KCNN2: variants seen among roughly 807,000 people sequenced by gnomAD.
KCNN2 encodes the protein small conductance calcium-activated potassium channel protein 2.
In KCNN2, 24 loss-of-function variants were observed where a neutral mutation model predicts 55.5. The ratio of observed to expected loss-of-function variants is 0.43; its 90% CI spans 0.31 to 0.61. The LOEUF (loss-of-function observed/expected upper bound fraction) is 0.61. Ranked by LOEUF, KCNN2 falls within the 20% of genes least tolerant of loss-of-function variation. The pLI is 0.08. For synonymous variants in KCNN2, 431 were observed against 336.1 expected (o/e 1.28, Z -3.09); for missense variants, 754 against 853.6 (o/e 0.88, Z 1.45).
rs183919524 is a variant in KCNN2, at chr5:114,313,267, A to T, written c.-184-47678A>T. ...AGGGAATCTTCCCAAGGTCTTCAAGAATCCTCAGTTATTAACTTCAAGGAA... is the reference window on the plus strand; with the variant it reads ...AGGGAATCTTCCCAAGGTCTTCAAGTATCCTCAGTTATTAACTTCAAGGAA... On this transcript the variant is annotated intron_variant, in intron 2 of 10. Coordinates refer to the KCNN2 transcript ENST00000512097. Among the ~76,000 whole-genome samples the T allele has an allele frequency of 5.3e-5, 8 of 152,254 alleles. No homozygotes were observed. The East Asian group carries it at 1.5e-3, about 29-fold the overall frequency.
chr5:114,453,092 A>G (rs938360818), intron 3 of KCNN2, among the ~76,000 whole-genome samples: 10 of 152,198 alleles, frequency 6.6e-5, no homozygotes, highest in Non-Finnish European at 1.5e-4. Flanking sequence ...CTACAGCCAC[A>G]TGGGCTTTCT....
intron 3 of KCNN2, among the ~76,000 whole-genome samples, chr5:114,449,037 T>TA (rs1252296240): frequency 6.6e-6 from 1 of 152,174 alleles, no homozygotes; most frequent in African/African-American, 2.4e-5. Flanking sequence ...CTAGTGTTGG[T>TA]AGGAGAGGCA....
At chr5:114,427,940 T>C (rs1208392569) in intron 3 of KCNN2, among the ~76,000 whole-genome samples, 1 of 152,190 alleles carries the variant, frequency 6.6e-6, no homozygotes, top group Non-Finnish European at 1.5e-5. Context: ...TGCTTCTATT[T>C]CTTGTGAGAT....
intron 2 of KCNN2, among the ~76,000 whole-genome samples, chr5:114,313,512 T>C (rs1305637033): frequency 6.6e-6 from 1 of 152,096 alleles, no homozygotes; most frequent in Admixed American, 6.6e-5. Context: ...GATAAAAAGG[T>C]GCTGACGTGT....
intron 1 of KCNN2, among the ~76,000 whole-genome samples, chr5:114,133,200 C>A (rs1029808229): frequency 6.6e-6 from 1 of 151,830 alleles, no homozygotes; most frequent in Non-Finnish European, 1.5e-5. Flanking sequence ...TGATTCCCAT[C>A]AGATTTTTTT....
intron 3 of KCNN2, among the ~76,000 whole-genome samples, chr5:114,425,924 A>G (rs1299103219): frequency 7.2e-5 from 11 of 152,090 alleles, no homozygotes; most frequent in Non-Finnish European, 1.5e-5. Flanking sequence ...TCACACCTGC[A>G]ATCCTAGCAC....
At chr5:114,117,173 A>G (rs1751723138) in intron 1 of KCNN2, among the ~76,000 whole-genome samples, 1 of 152,208 alleles carries the variant, frequency 6.6e-6, no homozygotes, top group Non-Finnish European at 1.5e-5. Context: ...TTGCTTATGA[A>G]TAGCCAGATA....
chr5:114,326,934 G>A (rs1756725859), intron 2 of KCNN2, among the ~76,000 whole-genome samples: 1 of 152,108 alleles, frequency 6.6e-6, no homozygotes, highest in South Asian at 2.1e-4. Context: ...AGGAAAACAC[G>A]CCAAAATGAG....
intron 3 of KCNN2, among the ~76,000 whole-genome samples, chr5:114,441,449 T>G (rs560974649): frequency 6.6e-6 from 1 of 152,320 alleles, no homozygotes; most frequent in South Asian, 2.1e-4. Context: ...CTCAGTAGAT[T>G]TCATAGAATT....
At chr5:114,193,184 G>A (rs1364183538) in intron 1 of KCNN2, among the ~76,000 whole-genome samples, 1 of 151,976 alleles carries the variant, frequency 6.6e-6, no homozygotes, top group African/African-American at 2.4e-5. Flanking sequence ...CTCTTCAAAT[G>A]TCTCCCCTGC....
chr5:114,172,873 T>C (rs1353459781), intron 1 of KCNN2, among the ~76,000 whole-genome samples: 5 of 151,868 alleles, frequency 3.3e-5, no homozygotes, highest in Admixed American at 3.3e-4. Context: ...TTTTATCTTA[T>C]TCTGTGGGTT....
intron 1 of KCNN2, among the ~76,000 whole-genome samples, chr5:114,082,152 C>T (rs1386082614): frequency 1.3e-5 from 2 of 151,790 alleles, no homozygotes; most frequent in African/African-American, 2.4e-5. Context: ...AGTTTGATAC[C>T]AATCCTAGCA....
At chr5:114,367,702 T>C (rs919928548) in intron 2 of KCNN2, among the ~76,000 whole-genome samples, 3 of 152,178 alleles carry the variant, frequency 2.0e-5, no homozygotes, top group South Asian at 4.2e-4. Flanking sequence ...GCATCTCTGA[T>C]GGATAAAGTA....
chr5:114,396,824 C>T (rs1312452622), intron 2 of KCNN2, among the ~76,000 whole-genome samples: 1 of 152,106 alleles, frequency 6.6e-6, no homozygotes, highest in Non-Finnish European at 1.5e-5. Context: ...GGGTTACAGG[C>T]GTGAGCCACC....
chr5:114,441,070 A>C (rs1350778093), intron 3 of KCNN2, among the ~76,000 whole-genome samples: 1 of 152,194 alleles, frequency 6.6e-6, no homozygotes. Context: ...GATAGTGTTA[A>C]AAGCAAAAAC....
chr5:114,283,356 A>G (rs773441307), intron 2 of KCNN2, among the ~76,000 whole-genome samples: 3 of 151,736 alleles, frequency 2.0e-5, no homozygotes, highest in Non-Finnish European at 4.4e-5. Flanking sequence ...TTATTATTCT[A>G]TTTTTCAGTT....
chr5:114,243,340 C>A (rs1442464191), intron 2 of KCNN2, among the ~76,000 whole-genome samples: 4 of 152,116 alleles, frequency 2.6e-5, no homozygotes, highest in Admixed American at 6.5e-5. Flanking sequence ...TTACTCGTGG[C>A]CAGCTGAGGT....
At chr5:114,098,911 A>C (rs1011980588) in intron 1 of KCNN2, among the ~76,000 whole-genome samples, 1 of 152,016 alleles carries the variant, frequency 6.6e-6, no homozygotes, top group African/African-American at 2.4e-5. Flanking sequence ...CATTATACTC[A>C]CTGTCAGACT....
At chr5:114,088,465 G>A (rs989159717) in intron 1 of KCNN2, among the ~76,000 whole-genome samples, 5 of 151,720 alleles carry the variant, frequency 3.3e-5, no homozygotes, top group Admixed American at 1.3e-4. Flanking sequence ...AGAAATCACT[G>A]AAGCTCTGTC....
Sources: allele counts gnomAD v4.1 joint callset (sites outside exome capture counted in the v4.1 genomes callset), GRCh38; gene constraint gnomAD v4.1.1; transcripts MANE v1.5; gene names NCBI Gene and HGNC (gene_info 2026-07-23, HGNC 2026-07-21).